NEO1: variants seen among roughly 807,000 people sequenced by gnomAD.
NEO1 encodes neogenin 1.
In NEO1, 63 loss-of-function variants were observed where a neutral mutation model predicts 159.7. The ratio of observed to expected loss-of-function variants is 0.39; its 90% CI spans 0.32 to 0.49. The LOEUF (loss-of-function observed/expected upper bound fraction) is 0.49. NEO1 is among the 20% of genes least tolerant of loss of function. NEO1 has a pLI of 0.85. For missense variants in NEO1, 1,615 were observed against 1,831.0 expected (o/e 0.88, Z 2.15); for synonymous variants, 633 against 662.0 (o/e 0.96, Z 0.67).
chr15:73,145,706 C>T (rs1204723079), intron 5 of NEO1, among the ~76,000 whole-genome samples: 1 of 152,056 alleles, frequency 6.6e-6, no homozygotes, highest in East Asian at 1.9e-4. Context: ...TGATTTGTGC[C>T]ACAAAGTTAC....
intron 7 of NEO1, among the ~76,000 whole-genome samples, chr15:73,202,032 C>T (rs1567467041): frequency 7.3e-6 from 1 of 137,198 alleles, no homozygotes; most frequent in Non-Finnish European, 1.5e-5. Context: ...GGTGCAATCT[C>T]AGCTCACCAC....
At chr15:73,164,820 C>T (rs1353371448) in intron 5 of NEO1, among the ~76,000 whole-genome samples, 5 of 152,180 alleles carry the variant, frequency 3.3e-5, no homozygotes, top group Non-Finnish European at 7.3e-5. Context: ...TATGGTCATA[C>T]CATTGACCTA....
In NEO1 at chr15:73,289,238, C is replaced by G. The variant is rs778549936; in HGVS notation, c.3742C>G (p.Pro1248Ala). The change falls in exon 25 of 29, where the codon CCT becomes GCT. Residue 1248 changes from proline to alanine, a missense_variant and splice_region_variant. Physicochemically the swap from Pro to Ala is conservative, Grantham distance 27. This residue lies in a region of NEO1 where 471 missense variants were observed against 498.9 expected (regional missense o/e 0.94). Coordinates refer to ENST00000261908, the MANE Select transcript of NEO1 (RefSeq NM_002499.4). ...GCCCTTTGACTCCCAGCCACCCCAG[C>G]GTAAGTAGAAGCATCTCTTTTCCTC... Reference protein sequence around the residue: ...MMPFDSQPPQPVISAHPIHSL... With the variant: ...MMPFDSQPPQAVISAHPIHSL... 1.2e-6 allele frequency: 2 copies of G among 1,613,596 alleles called. No individual in the cohort carries two copies. Among genetic ancestry groups the G allele is most frequent in the East Asian group, 2.2e-5 (1 of 44,868 alleles).
At chr15:73,087,824 A>G (rs2151425383) in intron 1 of NEO1, among the ~76,000 whole-genome samples, 1 of 152,284 alleles carries the variant, frequency 6.6e-6, no homozygotes, top group South Asian at 2.1e-4. Flanking sequence ...ATTTAAAACA[A>G]AATTTGTGAT....
intron 1 of NEO1, among the ~76,000 whole-genome samples, chr15:73,072,727 G>A (rs1224623581): frequency 1.3e-5 from 2 of 152,172 alleles, no homozygotes; most frequent in Non-Finnish European, 2.9e-5. Context: ...TGGGGTTGTG[G>A]TGGTGATGGT....
chr15:73,057,311 A>G (rs1336603279), intron 1 of NEO1, among the ~76,000 whole-genome samples: 4 of 152,152 alleles, frequency 2.6e-5, no homozygotes, highest in South Asian at 2.1e-4. Flanking sequence ...CTCTACCTCA[A>G]TGAAAATATT....
chr15:73,084,787 G>GTGTGTGTGTGTTTAA (rs1169179915), intron 1 of NEO1, among the ~76,000 whole-genome samples: 1 of 151,610 alleles, frequency 6.6e-6, no homozygotes, highest in Non-Finnish European at 1.5e-5. Context: ...CTTTTTGTGT[G>GTGTGTGTGTGTTTAA]TGTGTGTGTG....
chr15:73,204,431 A>G (rs1025649878), intron 7 of NEO1, among the ~76,000 whole-genome samples: 1 of 151,516 alleles, frequency 6.6e-6, no homozygotes, highest in Non-Finnish European at 1.5e-5. Flanking sequence ...TGTACATTCC[A>G]CTTTTTGATA....
At chr15:73,297,868 G>A (rs915508219) in intron 26 of NEO1, among the ~76,000 whole-genome samples, 17 of 152,222 alleles carry the variant, frequency 1.1e-4, no homozygotes, top group Admixed American at 3.3e-4. Flanking sequence ...CTGGAGGCAC[G>A]AAGGCCTGTG....
At chr15:73,238,289 T>G (rs965504592) in intron 8 of NEO1, among the ~76,000 whole-genome samples, 23 of 144,316 alleles carry the variant, frequency 1.6e-4, no homozygotes, top group East Asian at 2.0e-4. Context: ...TTTTTTTTTT[T>G]TTTTTTTTTT....
chr15:73,254,864 G>C, intron 13 of NEO1, 35 bp downstream of exon 13: 2 of 1,588,628 alleles, frequency 1.3e-6, no homozygotes, highest in Non-Finnish European at 1.7e-6. Flanking sequence ...AAGGTACACT[G>C]TGTCTTTCTC....
chr15:73,055,105 C>T (rs1252574345), intron 1 of NEO1, among the ~76,000 whole-genome samples: 1 of 152,002 alleles, frequency 6.6e-6, no homozygotes, highest in Admixed American at 6.6e-5. Flanking sequence ...AGAAAATGGT[C>T]AGCAAGGGAG....
In NEO1 at chr15:73,127,230, CA is replaced by C. The variant is rs762924676; in HGVS notation, c.878+674del. On this transcript the variant is annotated intron_variant, in intron 4 of 28. Coordinates refer to ENST00000261908, the MANE Select transcript of NEO1 (RefSeq NM_002499.4). ...TGGGCGAGAGACCTAGACGCCGTCT[CA>C]AAAAAAAAAAAAAGAAACTGTATTC... is the stretch of plus-strand genomic sequence containing the variant. Among the ~76,000 whole-genome samples the C allele has an allele frequency of 2.4e-3, 294 of 125,060 alleles. 1 individual carries two copies. The highest frequency in any genetic ancestry group is 4.2e-3 in the Middle Eastern group (1 of 238). 82.0% of individuals were successfully genotyped at this position (125,060 alleles called of 152,430 possible).
intron 11 of NEO1, 21 bp from the exon 12 acceptor site, chr15:73,253,379 T>G (rs1298081526): frequency 1.3e-6 from 2 of 1,518,526 alleles, no homozygotes; most frequent in Non-Finnish European, 1.8e-6. Flanking sequence ...AAAAATTTTT[T>G]TTTTTTTTTT....
At chr15:73,216,203 A>G (rs2037873751) in intron 7 of NEO1, among the ~76,000 whole-genome samples, 1 of 150,950 alleles carries the variant, frequency 6.6e-6, no homozygotes. Context: ...TGTTCTTGTG[A>G]TAGTTTACTG....
intron 7 of NEO1, among the ~76,000 whole-genome samples, chr15:73,183,028 G>A (rs1450241016): frequency 6.6e-6 from 1 of 152,094 alleles, no homozygotes; most frequent in Non-Finnish European, 1.5e-5. Context: ...GGCCAACTAT[G>A]GCCTAATTTG....
At chr15:73,156,392 C>T (rs1295136290) in intron 5 of NEO1, among the ~76,000 whole-genome samples, 1 of 152,128 alleles carries the variant, frequency 6.6e-6, no homozygotes, top group African/African-American at 2.4e-5. Context: ...GTGGTATATG[C>T]TGGCACCCAT....
intron 5 of NEO1, among the ~76,000 whole-genome samples, chr15:73,174,544 C>T (rs2035170828): frequency 6.6e-6 from 1 of 152,088 alleles, no homozygotes; most frequent in Non-Finnish European, 1.5e-5. Context: ...ATTATTGGGT[C>T]TTTCACAATC....
intron 7 of NEO1, among the ~76,000 whole-genome samples, chr15:73,217,579 A>C (rs1422381846): frequency 1.3e-5 from 2 of 152,158 alleles, no homozygotes; most frequent in Admixed American, 1.3e-4. Context: ...ATGTTCTTCC[A>C]TTTGTTTGTA....
Sources: allele counts gnomAD v4.1 joint callset (sites outside exome capture counted in the v4.1 genomes callset), GRCh38; gene constraint gnomAD v4.1.1; regional missense constraint gnomAD v4.1.1; transcripts MANE v1.5; gene names NCBI Gene and HGNC (gene_info 2026-07-23, HGNC 2026-07-21).